LRRC49: variants seen among roughly 807,000 people sequenced by gnomAD.
The protein encoded by LRRC49 is leucine rich repeat containing 49.
Under a neutral mutation model 83.3 loss-of-function variants are expected in LRRC49, and 50 were observed. That is an observed-to-expected ratio of 0.60 (90% CI 0.48 to 0.76). The LOEUF is 0.76. LRRC49 is among the 30% of genes least tolerant of loss of function. LRRC49 has a pLI of 0.00. For synonymous variants in LRRC49, 286 were observed against 283.3 expected, an observed-to-expected ratio of 1.01 and a Z score of -0.10; for missense variants, 704 against 809.1, an observed-to-expected ratio of 0.87 and a Z score of 1.58.
Position 71,051,453 on chromosome 15 carries a change from T to C in LRRC49, c.*1841T>C, listed in dbSNP as rs1323492313. 2 of 152,354 alleles carry C rather than the reference T, an allele frequency of 1.3e-5. No homozygotes were observed. The highest frequency in any genetic ancestry group is 3.9e-4 in the East Asian group (2 of 5,182). The allele number at this position is 152,354 out of a possible 1,614,324, so 9.4% of individuals were successfully genotyped here. A position where few individuals can be genotyped will look rare whatever the true frequency, so the allele number is the denominator to read the frequency against. ...TTCTCATCTGGCTAGTAAACACTTA[T>C]CTCTCCTGGGCTTATATCTTGTTTG... On this transcript the variant is annotated 3_prime_UTR_variant, in exon 16 of 16. Transcript: ENST00000260382.
chr15:70,923,168 C>T (rs2035069200), intron 7 of LRRC49, among the ~76,000 whole-genome samples: 1 of 151,998 alleles, frequency 6.6e-6, no homozygotes, highest in Non-Finnish European at 1.5e-5. Flanking sequence ...TTTAGAAGTA[C>T]ACCTTAACAT....
At chr15:70,891,939 G>A, upstream of LRRC49, 5 of 1,612,900 alleles carry the variant, frequency 3.1e-6, 1 homozygote, top group South Asian at 4.4e-5. Flanking sequence ...AGCTCTCCTC[G>A]CGTGTCCAGG....
Position 71,049,781 on chromosome 15 carries a change from G to A in LRRC49, c.*169G>A. On this transcript the variant is annotated 3_prime_UTR_variant, in exon 16 of 16. Coordinates refer to ENST00000260382, the MANE Select transcript of LRRC49 (RefSeq NM_017691.5). ...TAGCTAAAAGTTAAGAAGGAAGGAA[G>A]GAAAGCAGGAGAAAGGAAGGATTAA... 2 of 549,594 alleles carry A rather than the reference G, an allele frequency of 3.6e-6. No homozygotes were observed. The highest frequency in any genetic ancestry group is 6.3e-6 in the Non-Finnish European group (2 of 315,642). The allele number at this position is 549,594 out of a possible 1,614,324, so 34.0% of individuals were successfully genotyped here.
intron 5 of LRRC49, among the ~76,000 whole-genome samples, chr15:70,906,480 A>G (rs1207480807): frequency 2.0e-5 from 3 of 152,176 alleles, no homozygotes; most frequent in Non-Finnish European, 4.4e-5. Context: ...TATCATTATC[A>G]TTATTCCCTG....
Position 70,904,564 on chromosome 15 carries a change from C to T in LRRC49, c.309C>T (p.Thr103=), listed in dbSNP as rs759633903. ...DRLSLERQKL[T]VCPIINGEDH... is the part of the protein sequence containing the mutation. ...ACATTTTTTCTAGACAAAAGCTGAC[C>T]GTATGTCCTATCATCAATGGGGAAG... The change falls in exon 5 of 16, where the codon ACC becomes ACT. Residue 103 remains threonine, a synonymous_variant. Coordinates refer to ENST00000260382, the MANE Select transcript of LRRC49 (RefSeq NM_017691.5). The T allele has an allele frequency of 1.2e-5, 20 of 1,611,636 alleles. No individual in the cohort carries two copies. The highest frequency in any genetic ancestry group is 5.3e-5 in the African/African-American group (4 of 74,834).
chr15:70,991,101 A>T (rs1224607749), intron 11 of LRRC49, among the ~76,000 whole-genome samples: 1 of 152,152 alleles, frequency 6.6e-6, no homozygotes, highest in East Asian at 1.9e-4. Context: ...TATAATCTGA[A>T]AGTTACTCCA....
At chr15:71,010,105 G>A in intron 13 of LRRC49, 113 bp downstream of exon 13, 3 of 588,766 alleles carry the variant, frequency 5.1e-6, no homozygotes, top group South Asian at 5.4e-5. Context: ...GAGATATAAT[G>A]GTTTTTTTTA....
chr15:70,954,464 G>A (rs1417155379), intron 8 of LRRC49, among the ~76,000 whole-genome samples: 1 of 152,090 alleles, frequency 6.6e-6, no homozygotes, highest in Non-Finnish European at 1.5e-5. Flanking sequence ...ATCCACTACT[G>A]GGGAGCTAGT....
At chr15:70,938,195 A>C (rs2141160248) in intron 8 of LRRC49, among the ~76,000 whole-genome samples, 1 of 152,222 alleles carries the variant, frequency 6.6e-6, no homozygotes, top group East Asian at 1.9e-4. Flanking sequence ...TGAATTTCTA[A>C]ACTCCTAAAT....
chr15:71,008,619 A>G lies in LRRC49; in HGVS notation c.1407+3A>G, dbSNP rs776762085. ...AGATTAAGTTTCCTAATTCTCTGGTAAATATTTCCTTTTAGTAGTATATTT... is the reference window on the plus strand; with the variant it reads ...AGATTAAGTTTCCTAATTCTCTGGTGAATATTTCCTTTTAGTAGTATATTT... On this transcript the variant is annotated splice_donor_region_variant and intron_variant, in intron 12 of 15. Coordinates refer to ENST00000260382, the MANE Select transcript of LRRC49 (RefSeq NM_017691.5). 3 of 1,595,908 alleles carry G rather than the reference A, an allele frequency of 1.9e-6. No individual in the cohort carries two copies. The highest frequency in any genetic ancestry group is 2.2e-5 in the East Asian group (1 of 44,684).
intron 14 of LRRC49, among the ~76,000 whole-genome samples, chr15:71,015,155 G>A (rs965914827): frequency 1.3e-5 from 2 of 152,074 alleles, no homozygotes; most frequent in African/African-American, 4.8e-5. Context: ...CAAGCTTCCA[G>A]AAAACAAAAT....
intron 6 of LRRC49, among the ~76,000 whole-genome samples, chr15:70,917,614 T>G (rs1235992654): frequency 6.6e-6 from 1 of 152,194 alleles, no homozygotes; most frequent in Admixed American, 6.5e-5. Context: ...CCCTTTCTGC[T>G]GATAGCTGAA....
At chr15:71,034,728 A>C (rs1012572562) in intron 14 of LRRC49, among the ~76,000 whole-genome samples, 3 of 152,224 alleles carry the variant, frequency 2.0e-5, no homozygotes, top group African/African-American at 7.2e-5. Flanking sequence ...AAATGAGGTC[A>C]TGTCCCTTGC....
chr15:71,005,711 A>G (rs2038433037), intron 11 of LRRC49, among the ~76,000 whole-genome samples: 1 of 152,214 alleles, frequency 6.6e-6, no homozygotes, highest in African/African-American at 2.4e-5. Context: ...CATGTGCCAG[A>G]ATTCTTAGCA....
intron 9 of LRRC49, among the ~76,000 whole-genome samples, chr15:70,979,530 C>T (rs113202814): frequency 6.6e-5 from 10 of 151,794 alleles, no homozygotes; most frequent in African/African-American, 2.2e-4. Context: ...AGATTATTAA[C>T]TACGGTCATC....
intron 14 of LRRC49, among the ~76,000 whole-genome samples, chr15:71,021,758 C>T (rs2039003242): frequency 2.0e-5 from 3 of 152,182 alleles, no homozygotes; most frequent in Non-Finnish European, 2.9e-5. Flanking sequence ...CTGGGACAAC[C>T]TGTCTCTGCT....
At chr15:70,962,085 A>T (rs564160257) in intron 8 of LRRC49, among the ~76,000 whole-genome samples, 46 of 152,334 alleles carry the variant, frequency 3.0e-4, no homozygotes, top group African/African-American at 1.1e-3. Context: ...ACTTTAGTTG[A>T]TAAAGTTGTT....
At chr15:70,926,531 A>T (rs1410135721) in intron 7 of LRRC49, among the ~76,000 whole-genome samples, 1 of 151,964 alleles carries the variant, frequency 6.6e-6, no homozygotes, top group Admixed American at 6.6e-5. Context: ...TTTTATTTTT[A>T]TTATACTTTA....
intron 14 of LRRC49, among the ~76,000 whole-genome samples, chr15:71,015,944 A>C (rs1157348379): frequency 1.3e-5 from 2 of 152,242 alleles, no homozygotes; most frequent in African/African-American, 4.8e-5. Flanking sequence ...TCTAAAAATA[A>C]TTGGATGTTC....
Sources: gnomAD v4.1 joint callset for allele counts (sites outside exome capture counted in the v4.1 genomes callset) on GRCh38, gnomAD v4.1.1 for gene constraint, MANE v1.5 for transcripts, NCBI Gene and HGNC (gene_info 2026-07-23, HGNC 2026-07-21) for gene names.